PLD5: variants seen among roughly 807,000 people sequenced by gnomAD.
PLD5 encodes inactive phospholipase D5.
Under a neutral mutation model 61.1 loss-of-function variants are expected in PLD5, and 36 were observed. That is an observed-to-expected ratio of 0.59 (90% CI 0.45 to 0.78). PLD5 has a LOEUF of 0.78. PLD5 is among the 30% of genes least tolerant of loss of function. The pLI, the probability that PLD5 is intolerant of heterozygous loss-of-function variation, is 0.00. For missense variants in PLD5, 515 were observed against 644.4 expected, an observed-to-expected ratio of 0.80 and a Z score of 2.17; for synonymous variants, 243 against 242.8, an observed-to-expected ratio of 1.00 and a Z score of -0.01.
intron 1 of PLD5, among the ~76,000 whole-genome samples, chr1:242,350,690 C>T (rs1462618603): frequency 6.6e-6 from 1 of 152,156 alleles, no homozygotes; most frequent in Admixed American, 6.5e-5. Flanking sequence ...CAGGCACTGT[C>T]AGCCCACACG....
chr1:242,300,463 AAAGAAAGAAAGAAAG>A (rs1553344187), intron 2 of PLD5, among the ~76,000 whole-genome samples: 2 of 1,524 alleles, frequency 1.3e-3, no homozygotes, highest in South Asian at 0.077. Flanking sequence ...AGAAAGAAAG[AAAGAAAGAAAGAAAG>A]AAGAAGAAAT....
At chr1:242,163,151 C>CTTTTTTTTTT (rs1222335295) in intron 5 of PLD5, among the ~76,000 whole-genome samples, 2 of 146,602 alleles carry the variant, frequency 1.4e-5, no homozygotes, top group Admixed American at 6.8e-5. Context: ...TCTTTTCTTT[C>CTTTTTTTTTT]TTTTCTTGAG....
chr1:242,112,377 A>G (rs991858745), intron 7 of PLD5, among the ~76,000 whole-genome samples: 50 of 150,710 alleles, frequency 3.3e-4, no homozygotes, highest in Non-Finnish European at 4.3e-4. Context: ...TCTGTTGCCC[A>G]GGCTGGAGTA....
intron 3 of PLD5, among the ~76,000 whole-genome samples, chr1:242,284,119 C>CTTT (rs565165218): frequency 6.6e-4 from 50 of 75,948 alleles, no homozygotes; most frequent in African/African-American, 9.0e-4. Flanking sequence ...TTTCTTTTTC[C>CTTT]TTTTTTTTTT....
intron 8 of PLD5, among the ~76,000 whole-genome samples, chr1:242,102,465 A>G (rs1455501850): frequency 1.3e-5 from 2 of 152,208 alleles, no homozygotes; most frequent in Admixed American, 1.3e-4. Flanking sequence ...AAAGGGGTTT[A>G]TTAATTTGTT....
intron 1 of PLD5, among the ~76,000 whole-genome samples, chr1:242,405,625 G>A (rs554344672): frequency 1.4e-4 from 21 of 149,826 alleles, no homozygotes; most frequent in Non-Finnish European, 2.1e-4. Flanking sequence ...TTTTGAGATG[G>A]AGTTTCACTC....
intron 5 of PLD5, among the ~76,000 whole-genome samples, chr1:242,209,846 C>T (rs1160535363): frequency 6.6e-6 from 1 of 152,110 alleles, no homozygotes; most frequent in Non-Finnish European, 1.5e-5. Flanking sequence ...CCAGGCTGGA[C>T]TGCAGTGGTG....
At chr1:242,455,568 A>T (rs2654867) in intron 1 of PLD5, among the ~76,000 whole-genome samples, 9 of 152,100 alleles carry the variant, frequency 5.9e-5, no homozygotes, top group Admixed American at 5.9e-4. Flanking sequence ...GTTCAGTTCT[A>T]ATTTGCCTCT....
chr1:242,371,931 T>A (rs1661659882), intron 1 of PLD5, among the ~76,000 whole-genome samples: 1 of 152,052 alleles, frequency 6.6e-6, no homozygotes, highest in Non-Finnish European at 1.5e-5. Flanking sequence ...GTTTGCTACA[T>A]AGGTATATAT....
At chr1:242,394,067 C>CATATATATATATGAGTATATATATGTAT (rs1663167820) in intron 1 of PLD5, among the ~76,000 whole-genome samples, 1 of 66,530 alleles carries the variant, frequency 1.5e-5, no homozygotes, top group African/African-American at 6.4e-5. Flanking sequence ...CAAAAAAAAA[C>CATATATATATATGAGTATATATATGTAT]ATATATATAT....
intron 2 of PLD5, among the ~76,000 whole-genome samples, chr1:242,293,636 G>C (rs1295174417): frequency 6.6e-6 from 1 of 152,124 alleles, no homozygotes; most frequent in Admixed American, 6.5e-5. Flanking sequence ...AGGGACTACT[G>C]TATTACCGTT....
At chr1:242,254,376 A>G (rs1238272546) in intron 4 of PLD5, among the ~76,000 whole-genome samples, 13 of 150,408 alleles carry the variant, frequency 8.6e-5, no homozygotes, top group African/African-American at 2.9e-4. Context: ...GAAAGAAAGG[A>G]AAAAAAGGAA....
intron 1 of PLD5, among the ~76,000 whole-genome samples, chr1:242,394,536 G>T (rs1663282025): frequency 2.8e-5 from 1 of 35,336 alleles, no homozygotes; most frequent in Non-Finnish European, 4.8e-5. Context: ...GTATATATGT[G>T]AACATATATA....
At chr1:242,447,134 C>T (rs1666577417) in intron 1 of PLD5, among the ~76,000 whole-genome samples, 1 of 152,224 alleles carries the variant, frequency 6.6e-6, no homozygotes, top group Non-Finnish European at 1.5e-5. Context: ...TACACATTTT[C>T]CTCACTTTGA....
At chr1:242,465,071 T>G (rs1007669266) in intron 1 of PLD5, among the ~76,000 whole-genome samples, 8 of 152,256 alleles carry the variant, frequency 5.3e-5, no homozygotes, top group African/African-American at 1.9e-4. Flanking sequence ...TAGAACTAAA[T>G]AGAAGTGATC....
At chr1:242,351,829 C>T (rs573500430) in intron 1 of PLD5, among the ~76,000 whole-genome samples, 1 of 152,344 alleles carries the variant, frequency 6.6e-6, no homozygotes, top group East Asian at 1.9e-4. Flanking sequence ...GCTGGTGCTA[C>T]AGGCAAATTC....
chr1:242,173,626 T>G (rs946981014), intron 5 of PLD5, among the ~76,000 whole-genome samples: 3 of 152,266 alleles, frequency 2.0e-5, no homozygotes, highest in African/African-American at 7.2e-5. Flanking sequence ...GGAGGCATCA[T>G]GCTACCTGAC....
intron 1 of PLD5, among the ~76,000 whole-genome samples, chr1:242,523,756 A>T (rs930337366): frequency 6.6e-6 from 1 of 152,204 alleles, no homozygotes; most frequent in Non-Finnish European, 1.5e-5. Flanking sequence ...GGTTGCTCGG[A>T]GCCACGCTGG....
chr1:242,268,198 G>A (rs1016059721), intron 3 of PLD5, among the ~76,000 whole-genome samples: 3 of 152,066 alleles, frequency 2.0e-5, no homozygotes, highest in African/African-American at 7.2e-5. Context: ...CTCCATTGAA[G>A]GTTTGGTGAT....
Sources: allele counts gnomAD v4.1 joint callset (sites outside exome capture counted in the v4.1 genomes callset), GRCh38; gene constraint gnomAD v4.1.1; transcripts MANE v1.5; gene names NCBI Gene and HGNC (gene_info 2026-07-23, HGNC 2026-07-21).